The following GATC variants were observed in gnomAD, a reference collection of about 807,000 sequenced individuals.
GATC encodes the protein glutamyl-tRNA(Gln) amidotransferase subunit C, mitochondrial.
In GATC, 11 loss-of-function variants were observed where a neutral mutation model predicts 14.4. The ratio of observed to expected loss-of-function variants is 0.77; its 90% CI spans 0.48 to 1.27. The LOEUF (loss-of-function observed/expected upper bound fraction) is 1.27, where lower values mean the gene tolerates loss of function less well. Ranked by LOEUF, GATC falls within the 50% of genes most tolerant of loss-of-function variation. GATC has a pLI of 0.00. For missense variants in GATC, 204 were observed against 183.0 expected, an observed-to-expected ratio of 1.11 and a Z score of -0.66; for synonymous variants, 76 against 79.3, an observed-to-expected ratio of 0.96 and a Z score of 0.22.
Position 120,458,728 on chromosome 12 carries a change from AGGATATCCTGAGGG to A in GATC, c.359-1178_359-1165del, listed in dbSNP as rs535397846. Reference sequence around the variant, plus strand: ...CCTGCTAAGTGCCAACTTCCAGTTCAGGATATCCTGAGGGAGAATCATTCTGAGCAGACTCCACA... The same window carrying A: ...CCTGCTAAGTGCCAACTTCCAGTTCAAGAATCATTCTGAGCAGACTCCACA... On this transcript the variant is annotated intron_variant, in intron 3 of 3. Coordinates refer to ENST00000551765, the MANE Select transcript of GATC (RefSeq NM_176818.3). Among the ~76,000 whole-genome samples the A allele has an allele frequency of 1.7e-3, 260 of 152,310 alleles. 1 individual carries two copies. Among genetic ancestry groups the A allele is most frequent in the African/African-American group, 6.2e-3 (258 of 41,570 alleles).
intron 2 of GATC, among the ~76,000 whole-genome samples, chr12:120,451,875 C>CTTTTTTTTTTTTT (rs1170221029): frequency 0.033 from 2,970 of 90,670 alleles, 409 homozygotes; most frequent in Non-Finnish European, 0.045. Flanking sequence ...TATATAAATT[C>CTTTTTTTTTTTTT]TTTTTTTTTT....
rs528325968 is a variant in GATC at position 120,448,771 on chromosome 12, G to A, written c.254+1942G>A. On this transcript the variant is annotated intron_variant, in intron 2 of 3. Transcript: ENST00000551765. The stretch of plus-strand genomic sequence containing the variant: ...AGTGATTCTCTTGCCTCAGCCTCCC[G>A]AGTAGCTGGGACTACAGGCGCCCGC... 7.4e-4 allele frequency among the ~76,000 whole-genome samples: 102 copies of A among 138,148 alleles called. No individual in the cohort carries two copies. In the Middle Eastern group the frequency reaches 0.015, roughly 20 times the overall value. The allele number at this position is 138,148 out of a possible 152,430, so 90.6% of individuals were successfully genotyped here.
intron 3 of GATC, among the ~76,000 whole-genome samples, chr12:120,457,476 A>G (rs1229418149): frequency 6.7e-6 from 1 of 149,108 alleles, no homozygotes; most frequent in African/African-American, 2.5e-5. Flanking sequence ...TCAAAGCCAC[A>G]GTTAAGACCC....
In GATC at chr12:120,460,170, A is replaced by G. The variant is rs1878295951; in HGVS notation, c.*211A>G. On this transcript the variant is annotated 3_prime_UTR_variant, in exon 4 of 4. Coordinates refer to ENST00000551765, the MANE Select transcript of GATC (RefSeq NM_176818.3). ...AGTTCCTGATGCTAACTGAGGTGAA[A>G]GAAAAGCAAAAGTCAGCTTCCAAGG... The G allele has an allele frequency of 4.1e-6, 2 of 490,538 alleles. No individual in the cohort carries two copies. Among genetic ancestry groups the G allele is most frequent in the East Asian group, 7.5e-5 (2 of 26,712 alleles). 30.4% of individuals were successfully genotyped at this position (490,538 alleles called of 1,614,324 possible).
chr12:120,454,373 A>G (rs1438288902), intron 2 of GATC, among the ~76,000 whole-genome samples: 1 of 152,182 alleles, frequency 6.6e-6, no homozygotes, highest in African/African-American at 2.4e-5. Context: ...TAGAGAGGAT[A>G]AGTAATGTGT....
In GATC at chr12:120,453,854, CA is replaced by C. The variant is rs869264391; in HGVS notation, c.255-3216del. On this transcript the variant is annotated intron_variant, in intron 2 of 3. Coordinates refer to ENST00000551765, the MANE Select transcript of GATC (RefSeq NM_176818.3). ...AAAACAACAACAACAACAACAACAA[CA>C]AAAAACCAACCCCAGAAAATGTGTC... is the stretch of plus-strand genomic sequence containing the variant. Among the ~76,000 whole-genome samples, 11 of 143,926 alleles carry C rather than the reference CA, an allele frequency of 7.6e-5. No individual in the cohort carries two copies. In the East Asian group the frequency reaches 2.2e-3, roughly 28 times the overall value. The allele number at this position is 143,926 out of a possible 152,430, so 94.4% of individuals were successfully genotyped here.
chr12:120,459,475 A>C (rs1252313746), intron 3 of GATC, among the ~76,000 whole-genome samples: 1 of 152,238 alleles, frequency 6.6e-6, no homozygotes, highest in Non-Finnish European at 1.5e-5. Flanking sequence ...AAAACAGGAC[A>C]GTAGCTACAT....
In GATC at chr12:120,459,899, T is replaced by TCAAA; in HGVS notation, c.359-5_359-2dup. ...AAACAAAAATTCTCTTTTGTTATTT[T>TCAAA]CAAACAGGTAATATCTCTTTGCCAA... is the stretch of plus-strand genomic sequence containing the variant. On this transcript the variant is annotated splice_region_variant and splice_polypyrimidine_tract_variant and intron_variant, in intron 3 of 3. Transcript: ENST00000551765. 1 of 1,608,614 alleles carries TCAAA rather than the reference T, an allele frequency of 6.2e-7. No homozygotes were observed. The highest frequency in any genetic ancestry group is 8.5e-7 in the Non-Finnish European group (1 of 1,175,506).
rs1878303132 is a variant in GATC at position 120,460,445 on chromosome 12, G to GCTAA, written c.*489_*492dup. On this transcript the variant is annotated 3_prime_UTR_variant, in exon 4 of 4. Transcript: ENST00000551765. ...GCTCCCACTTTCTTCCCAGAAGAGG[G>GCTAA]CTAACTTCCTACTAAGGTCTGAAGA... The GCTAA allele has an allele frequency of 6.5e-6, 1 of 152,922 alleles. No individual in the cohort carries two copies. The highest frequency in any genetic ancestry group is 1.5e-5 in the Non-Finnish European group (1 of 68,620). The allele number at this position is 152,922 out of a possible 1,614,324, so 9.5% of individuals were successfully genotyped here.
At position 120,460,186 on chromosome 12, in the gene GATC, G is replaced by A; in HGVS notation, c.*227G>A. 2.1e-6 allele frequency: 1 copy of A among 467,334 alleles called. No individual in the cohort carries two copies. The highest frequency in any genetic ancestry group is 4.0e-6 in the Non-Finnish European group (1 of 251,096). The allele number at this position is 467,334 out of a possible 1,614,324, so 28.9% of individuals were successfully genotyped here. A position where few individuals can be genotyped will look rare whatever the true frequency, so the allele number is the denominator to read the frequency against. ...TGAGGTGAAAGAAAAGCAAAAGTCA[G>A]CTTCCAAGGAATTCACTTAACAGGC... On this transcript the variant is annotated 3_prime_UTR_variant, in exon 4 of 4. Transcript: ENST00000551765.
chr12:120,454,005 G>A (rs191009203), intron 2 of GATC, among the ~76,000 whole-genome samples: 153 of 152,170 alleles, frequency 1.0e-3, no homozygotes, highest in Non-Finnish European at 1.6e-3. Flanking sequence ...TTTCACTTAC[G>A]CAGGAAACTT....
At chr12:120,449,863 A>G (rs1592983160) in intron 2 of GATC, among the ~76,000 whole-genome samples, 1 of 151,680 alleles carries the variant, frequency 6.6e-6, no homozygotes, top group African/African-American at 2.4e-5. Context: ...CCCAGGTTCA[A>G]GCGATTCTCC....
At chr12:120,454,363 T>C (rs936592254) in intron 2 of GATC, among the ~76,000 whole-genome samples, 5 of 152,128 alleles carry the variant, frequency 3.3e-5, no homozygotes, top group African/African-American at 1.2e-4. Flanking sequence ...AACTGAAATA[T>C]AGAGAGGATA....
chr12:120,451,884 T>TTTTC (rs1331385255), intron 2 of GATC, among the ~76,000 whole-genome samples: 1 of 129,372 alleles, frequency 7.7e-6, no homozygotes, highest in Non-Finnish European at 1.7e-5. Flanking sequence ...TCTTTTTTTT[T>TTTTC]TTTTTTTTTT....
chr12:120,456,019 G>C (rs781012675), intron 2 of GATC, among the ~76,000 whole-genome samples: 1 of 152,190 alleles, frequency 6.6e-6, no homozygotes, highest in Non-Finnish European at 1.5e-5. Flanking sequence ...CCTTAGCCCA[G>C]ATGTACCTGT....
chr12:120,458,518 G>C (rs1329947014), intron 3 of GATC, among the ~76,000 whole-genome samples: 2 of 152,306 alleles, frequency 1.3e-5, no homozygotes, highest in African/African-American at 2.4e-5. Context: ...ATAGAGATTT[G>C]CATCATCTAC....
chr12:120,447,081 G>A (rs1443934105), intron 2 of GATC, among the ~76,000 whole-genome samples: 1 of 131,400 alleles, frequency 7.6e-6, no homozygotes, highest in South Asian at 2.4e-4. Flanking sequence ...TGTTTGTTTT[G>A]TTTTTTTTTT....
At chr12:120,451,971 G>A (rs1169469333) in intron 2 of GATC, among the ~76,000 whole-genome samples, 1 of 137,658 alleles carries the variant, frequency 7.3e-6, no homozygotes, top group East Asian at 2.4e-4. Flanking sequence ...CTGCCTCCCA[G>A]GTTGAAGCAA....
At chr12:120,448,960 C>T (rs1226199314) in intron 2 of GATC, among the ~76,000 whole-genome samples, 2 of 140,126 alleles carry the variant, frequency 1.4e-5, no homozygotes, top group African/African-American at 2.6e-5. Context: ...TACTTAGGTT[C>T]TTTTTTTTTT....
Sources: allele counts gnomAD v4.1 joint callset (sites outside exome capture counted in the v4.1 genomes callset), GRCh38; gene constraint gnomAD v4.1.1; transcripts MANE v1.5; gene names NCBI Gene and HGNC (gene_info 2026-07-23, HGNC 2026-07-21).